Variants in PLXDC2 observed in about 807,000 individuals in gnomAD.
PLXDC2 encodes plexin domain containing 2.
In PLXDC2, 40 loss-of-function variants were observed where a neutral mutation model predicts 68.9. The ratio of observed to expected loss-of-function variants is 0.58; its 90% CI spans 0.45 to 0.76. The LOEUF is 0.76. Among genes scored for constraint, PLXDC2 ranks in the 30% least tolerant of loss-of-function variants. The probability of loss-of-function intolerance (pLI) is 0.00; values close to 1 mark genes in which losing one functional copy is unlikely to be tolerated. For missense variants in PLXDC2, 644 were observed against 661.9 expected (o/e 0.97, Z 0.30); for synonymous variants, 243 against 234.2 (o/e 1.04, Z -0.34).
intron 1 of PLXDC2, among the ~76,000 whole-genome samples, chr10:19,847,755 G>A (rs989466248): frequency 4.6e-5 from 7 of 152,030 alleles, no homozygotes; most frequent in Admixed American, 6.6e-5. Flanking sequence ...GGCAATTTAC[G>A]TGCATGATTA....
chr10:19,847,306 T>C (rs1837026763), intron 1 of PLXDC2, among the ~76,000 whole-genome samples: 1 of 152,178 alleles, frequency 6.6e-6, no homozygotes. Context: ...TTCCAAACAG[T>C]GGATTTTCAT....
At chr10:19,913,666 G>C (rs1833315460) in intron 1 of PLXDC2, among the ~76,000 whole-genome samples, 2 of 152,136 alleles carry the variant, frequency 1.3e-5, no homozygotes, top group African/African-American at 2.4e-5. Context: ...AATTATGATG[G>C]ATGAAAATAA....
rs989110598 is a variant in PLXDC2 at position 19,816,746 on chromosome 10, G to C, written c.-334G>C. 2 of 429,998 alleles carry C rather than the reference G, an allele frequency of 4.7e-6. No homozygotes were observed. Among genetic ancestry groups the C allele is most frequent in the East Asian group, 4.5e-5 (1 of 22,314 alleles). The allele number at this position is 429,998 out of a possible 1,614,324, so 26.6% of individuals were successfully genotyped here. A position where few individuals can be genotyped will look rare whatever the true frequency, so the allele number is the denominator to read the frequency against. ...TCGGAAGTCACCGTCCGCGGGCACC[G>C]GGTTGGCGCTGCCCGAGTGGAACCG... On this transcript the variant is annotated 5_prime_UTR_variant, in exon 1 of 14. Coordinates refer to ENST00000377252, the MANE Select transcript of PLXDC2 (RefSeq NM_032812.9).
chr10:20,141,997 G>C (rs2131789458), intron 4 of PLXDC2, among the ~76,000 whole-genome samples: 1 of 152,008 alleles, frequency 6.6e-6, no homozygotes, highest in Non-Finnish European at 1.5e-5. Flanking sequence ...TTATGCTTTT[G>C]ATGAAAAGTT....
chr10:20,254,999 A>T (rs1835723864), intron 13 of PLXDC2, among the ~76,000 whole-genome samples: 1 of 152,226 alleles, frequency 6.6e-6, no homozygotes, highest in Non-Finnish European at 1.5e-5. Context: ...CTGAAACTAT[A>T]ATAGTGTTTC....
At chr10:20,216,308 A>G (rs1835136837) in intron 10 of PLXDC2, among the ~76,000 whole-genome samples, 1 of 152,184 alleles carries the variant, frequency 6.6e-6, no homozygotes, top group African/African-American at 2.4e-5. Flanking sequence ...TTCAGATCTA[A>G]AACATTTTCC....
intron 3 of PLXDC2, among the ~76,000 whole-genome samples, chr10:20,061,304 T>G (rs183436658): frequency 6.6e-6 from 1 of 152,204 alleles, no homozygotes; most frequent in Non-Finnish European, 1.5e-5. Flanking sequence ...TTGCCTTTCA[T>G]AAACATGACA....
chr10:20,104,977 G>T (rs1417579925), intron 4 of PLXDC2, among the ~76,000 whole-genome samples: 2 of 148,300 alleles, frequency 1.3e-5, no homozygotes, highest in African/African-American at 5.0e-5. Context: ...CTTGAACCAG[G>T]GGGTCAGAGG....
At chr10:20,192,316 G>A (rs1168854081) in intron 9 of PLXDC2, among the ~76,000 whole-genome samples, 3 of 151,874 alleles carry the variant, frequency 2.0e-5, no homozygotes, top group Admixed American at 6.6e-5. Flanking sequence ...TACTCTAAAC[G>A]TTTTACTAGC....
At chr10:20,050,907 T>A (rs978520183) in intron 3 of PLXDC2, among the ~76,000 whole-genome samples, 2 of 152,042 alleles carry the variant, frequency 1.3e-5, no homozygotes, top group African/African-American at 4.8e-5. Context: ...AGAATATAAA[T>A]CATTCTACCA....
At position 19,947,707 on chromosome 10, in the gene PLXDC2, CTTT is replaced by C. The variant is rs34439585; in HGVS notation, c.113-54054_113-54052del. 3.5e-3 allele frequency among the ~76,000 whole-genome samples: 422 copies of C among 120,950 alleles called. 3 individuals are homozygous for C. The highest frequency in any genetic ancestry group is 9.1e-3 in the African/African-American group (303 of 33,276). The allele number at this position is 120,950 out of a possible 152,430, so 79.3% of individuals were successfully genotyped here. ...CTCTCCTTTTTTCTTTTCTTTCTTTCTTTTTTTTTTTTTTTTGCACAGTTCTAG... is the reference window on the plus strand; with the variant it reads ...CTCTCCTTTTTTCTTTTCTTTCTTTCTTTTTTTTTTTTTGCACAGTTCTAG... On this transcript the variant is annotated intron_variant, in intron 1 of 13. Coordinates refer to ENST00000377252, the MANE Select transcript of PLXDC2 (RefSeq NM_032812.9).
intron 7 of PLXDC2, among the ~76,000 whole-genome samples, chr10:20,169,387 A>G (rs1430824099): frequency 1.3e-5 from 2 of 152,186 alleles, no homozygotes; most frequent in Non-Finnish European, 2.9e-5. Context: ...GATTACCAGA[A>G]AGTTTTAACA....
intron 12 of PLXDC2, among the ~76,000 whole-genome samples, chr10:20,228,002 G>T (rs1474614477): frequency 6.6e-6 from 1 of 152,146 alleles, no homozygotes; most frequent in African/African-American, 2.4e-5. Flanking sequence ...TGACGAAGGT[G>T]GTTCCCAGGA....
rs141430090 is a variant in PLXDC2 at position 20,100,810 on chromosome 10, C to T, written c.541+32571C>T. On this transcript the variant is annotated intron_variant, in intron 4 of 13. Transcript: ENST00000377252. The stretch of plus-strand genomic sequence containing the variant: ...GTCCATTACCAGAACACAGTGTTTG[C>T]TGAGTACTCATCTCAATTGAGATGA... 1.0e-3 allele frequency among the ~76,000 whole-genome samples: 154 copies of T among 151,980 alleles called. 2 individuals are homozygous for T. Among genetic ancestry groups the T allele is most frequent in the African/African-American group, 3.7e-3 (152 of 41,410 alleles).
chr10:19,998,811 GAA>G (rs5783714), intron 1 of PLXDC2, among the ~76,000 whole-genome samples: 34 of 151,270 alleles, frequency 2.2e-4, no homozygotes, highest in African/African-American at 7.5e-4. Context: ...AACAGTGGGG[GAA>G]AAAAAAAATC....
chr10:20,100,241 T>C (rs1394409875), intron 4 of PLXDC2, among the ~76,000 whole-genome samples: 1 of 152,192 alleles, frequency 6.6e-6, no homozygotes, highest in Non-Finnish European at 1.5e-5. Context: ...GTTAAACCAG[T>C]GACTGACATA....
At chr10:20,144,046 C>T (rs573235870) in intron 5 of PLXDC2, among the ~76,000 whole-genome samples, 17 of 152,082 alleles carry the variant, frequency 1.1e-4, no homozygotes, top group African/African-American at 3.9e-4. Flanking sequence ...AAAATCCAAG[C>T]GAGAAATTCA....
At chr10:20,067,687 CAAA>C (rs776006903) in intron 3 of PLXDC2, among the ~76,000 whole-genome samples, 3 of 78,822 alleles carry the variant, frequency 3.8e-5, no homozygotes, top group Non-Finnish European at 2.7e-5. Context: ...AACTCCGACT[CAAA>C]AAAAAAAAAA....
intron 1 of PLXDC2, among the ~76,000 whole-genome samples, chr10:19,967,979 A>T (rs1162402108): frequency 2.0e-5 from 3 of 152,224 alleles, no homozygotes; most frequent in African/African-American, 7.2e-5. Flanking sequence ...CATTAGCTGA[A>T]AGGACTTGGA....
Sources: gnomAD v4.1 joint callset for allele counts (sites outside exome capture counted in the v4.1 genomes callset) on GRCh38, gnomAD v4.1.1 for gene constraint, MANE v1.5 for transcripts, NCBI Gene and HGNC (gene_info 2026-07-23, HGNC 2026-07-21) for gene names.